Variants in PATJ observed in about 807,000 individuals in gnomAD.
The protein encoded by PATJ is inaD-like protein.
PATJ carries 190 observed loss-of-function variants against 224.9 expected under a neutral mutation model. The observed-to-expected ratio is 0.84, with a 90% confidence interval of 0.75 to 0.95. The LOEUF is 0.95. Ranked by LOEUF, PATJ falls within the 40% of genes least tolerant of loss-of-function variation. PATJ has a pLI of 0.00. For synonymous variants in PATJ, 769 were observed against 820.3 expected, an observed-to-expected ratio of 0.94 and a Z score of 1.07; for missense variants, 2,121 against 2,270.3, an observed-to-expected ratio of 0.93 and a Z score of 1.34.
chr1:62,136,193 C>G (rs977831066), intron 41 of PATJ, among the ~76,000 whole-genome samples: 2 of 151,702 alleles, frequency 1.3e-5, no homozygotes, highest in African/African-American at 2.4e-5. Flanking sequence ...CCGCCACGCC[C>G]GGCTAATTTT....
intron 17 of PATJ, chr1:61,846,186 G>A (rs577418552): frequency 3.3e-5 from 5 of 152,236 alleles, no homozygotes; most frequent in East Asian, 3.9e-4. Context: ...ACTATGAAGC[G>A]ATTTCTATGG....
At position 61,795,535 on chromosome 1, in the gene PATJ, C is replaced by T; in HGVS notation, c.1237C>T (p.Gln413Ter). 3 of 1,608,216 alleles carry T rather than the reference C, an allele frequency of 1.9e-6. No individual in the cohort carries two copies. The highest frequency in any genetic ancestry group is 2.6e-6 in the Non-Finnish European group (3 of 1,175,726). ...GSAAYHNGHI[Q>*]VNDKIVAVDG... ...TGCTGCGTACCACAATGGCCACATT[C>T]AAGTGAATGACAAAATAGTTGCTGT... Residue 413 changes from glutamine to a stop codon, truncating the protein, a stop_gained, in exon 10 of 44, where the codon CAA becomes TAA. Transcript: ENST00000642238. LOFTEE classifies it high-confidence loss of function.
chr1:62,076,340 G>C (rs1019053250), intron 31 of PATJ, among the ~76,000 whole-genome samples: 2 of 140,162 alleles, frequency 1.4e-5, no homozygotes, highest in South Asian at 4.4e-4. Flanking sequence ...AGCTCCGTAG[G>C]TGTTCCTATT....
At chr1:61,950,108 G>T (rs563968546) in intron 27 of PATJ, among the ~76,000 whole-genome samples, 2 of 152,058 alleles carry the variant, frequency 1.3e-5, no homozygotes, top group Non-Finnish European at 2.9e-5. Flanking sequence ...GGAGGTTGAG[G>T]CAGGAGAATC....
Position 61,869,199 on chromosome 1 carries a change from C to T in PATJ, c.2835+4566C>T, listed in dbSNP as rs559504611. 2.7e-3 allele frequency among the ~76,000 whole-genome samples: 390 copies of T among 146,120 alleles called. 2 individuals carry two copies. Among genetic ancestry groups the T allele is most frequent in the African/African-American group, 8.4e-3 (324 of 38,450 alleles). On this transcript the variant is annotated intron_variant, in intron 20 of 43. Coordinates refer to ENST00000642238, the MANE Select transcript of PATJ (RefSeq NM_001350145.3). ...TCGGCTCACTGCAAGCTCCGCCTCC[C>T]GGGTTCACGCCATTCTCCTGCCTCA...
intron 33 of PATJ, among the ~76,000 whole-genome samples, chr1:62,096,611 TG>T (rs1428827655): frequency 6.6e-6 from 1 of 152,138 alleles, no homozygotes; most frequent in African/African-American, 2.4e-5. Context: ...TGGACAAGAC[TG>T]GTGTCACTCA....
intron 37 of PATJ, among the ~76,000 whole-genome samples, chr1:62,120,131 G>A (rs1463180802): frequency 6.6e-6 from 1 of 151,874 alleles, no homozygotes; most frequent in Non-Finnish European, 1.5e-5. Flanking sequence ...CCACTATGAA[G>A]TATACTGAGA....
rs17122852 is a variant in PATJ at position 61,911,929 on chromosome 1, A to G, written c.3493-2658A>G. Among the ~76,000 whole-genome samples, 1,043 of 149,602 alleles carry G rather than the reference A, an allele frequency of 7.0e-3. 9 individuals are homozygous for G. Among genetic ancestry groups the G allele is most frequent in the African/African-American group, 0.023 (928 of 41,150 alleles). ...ACTGTATATATGTTAATGTATCATTACTGCTGTTTTTTTACATAAATGACA... is the reference window on the plus strand; with the variant it reads ...ACTGTATATATGTTAATGTATCATTGCTGCTGTTTTTTTACATAAATGACA... On this transcript the variant is annotated intron_variant, in intron 25 of 43. Transcript: ENST00000642238.
chr1:62,053,675 C>T (rs1377671033), intron 31 of PATJ, among the ~76,000 whole-genome samples: 1 of 151,894 alleles, frequency 6.6e-6, no homozygotes, highest in Non-Finnish European at 1.5e-5. Context: ...GCCGAGATCG[C>T]GCCATTGCAC....
chr1:62,027,163 T>C (rs1262643721), intron 29 of PATJ, among the ~76,000 whole-genome samples: 1 of 152,234 alleles, frequency 6.6e-6, no homozygotes, highest in East Asian at 1.9e-4. Flanking sequence ...GCCACCATTC[T>C]ACTGTCTGTC....
intron 34 of PATJ, among the ~76,000 whole-genome samples, chr1:62,112,999 TAATAAC>T (rs961229370): frequency 6.6e-6 from 1 of 152,212 alleles, no homozygotes; most frequent in South Asian, 2.1e-4. Context: ...TGAATGGTGA[TAATAAC>T]AATATCTATT....
intron 43 of PATJ, among the ~76,000 whole-genome samples, chr1:62,156,787 A>G (rs1669265898): frequency 1.3e-5 from 2 of 150,414 alleles, no homozygotes; most frequent in Admixed American, 6.6e-5. Flanking sequence ...ATGGTGGCAC[A>G]CATCTGTGGT....
At chr1:61,954,405 A>T (rs1680138800) in intron 27 of PATJ, among the ~76,000 whole-genome samples, 1 of 152,130 alleles carries the variant, frequency 6.6e-6, no homozygotes, top group African/African-American at 2.4e-5. Flanking sequence ...TTGGAAACAC[A>T]TTATTTTACA....
In PATJ at chr1:61,856,123, C is replaced by T. The variant is rs770908960; in HGVS notation, c.2206C>T (p.Arg736Cys). 9 of 1,613,854 alleles carry T rather than the reference C, an allele frequency of 5.6e-6. No homozygotes were observed. The highest frequency in any genetic ancestry group is 4.4e-5 in the South Asian group (4 of 91,054). The change falls in exon 18 of 44, where the codon CGC (arginine) becomes TGC (cysteine). Residue 736 changes from arginine (R) to cysteine (C), a missense_variant. Arg to Cys is a radical substitution (Grantham distance 180). Transcript: ENST00000642238. ...ERSGGLLPGDRLVSVNEYCLD... is the reference protein window; with the variant it reads ...ERSGGLLPGDCLVSVNEYCLD... Reference sequence around the variant, plus strand: ...AAGTGGGGGACTATTACCTGGAGACCGCCTGGTCTCAGTCAATGAATACTG... The same window carrying T: ...AAGTGGGGGACTATTACCTGGAGACTGCCTGGTCTCAGTCAATGAATACTG...
intron 41 of PATJ, among the ~76,000 whole-genome samples, chr1:62,143,457 T>G (rs1667702716): frequency 7.3e-6 from 1 of 137,884 alleles, no homozygotes; most frequent in Admixed American, 7.4e-5. Context: ...TTTTTTTTTT[T>G]TTTTTTTTTT....
chr1:62,104,958 G>A (rs1662716474), intron 33 of PATJ, among the ~76,000 whole-genome samples: 1 of 152,168 alleles, frequency 6.6e-6, no homozygotes, highest in African/African-American at 2.4e-5. Context: ...CCAAAGTGCT[G>A]GGATTATAGG....
intron 11 of PATJ, among the ~76,000 whole-genome samples, chr1:61,798,040 A>G (rs1274989351): frequency 6.6e-6 from 1 of 152,162 alleles, no homozygotes; most frequent in African/African-American, 2.4e-5. Context: ...TCCTGACCTC[A>G]GGTGATCTGC....
chr1:62,019,268 T>C (rs1477141973), intron 29 of PATJ, among the ~76,000 whole-genome samples: 2 of 144,656 alleles, frequency 1.4e-5, no homozygotes, highest in African/African-American at 5.1e-5. Context: ...AGGCCGGGCA[T>C]GGTGGCTCAC....
At chr1:61,860,668 A>G (rs772853694) in intron 18 of PATJ, among the ~76,000 whole-genome samples, 12 of 152,148 alleles carry the variant, frequency 7.9e-5, no homozygotes, top group Non-Finnish European at 1.2e-4. Flanking sequence ...TCTACTAAAA[A>G]TACAAAAACA....
Sources: gnomAD v4.1 joint callset for allele counts (sites outside exome capture counted in the v4.1 genomes callset) on GRCh38, gnomAD v4.1.1 for gene constraint, MANE v1.5 for transcripts, NCBI Gene and HGNC (gene_info 2026-07-23, HGNC 2026-07-21) for gene names.